PCDH9: variants seen among roughly 807,000 people sequenced by gnomAD.
PCDH9 encodes protocadherin-9.
A neutral mutation model predicts 70.6 loss-of-function variants in PCDH9; 24 were observed. The ratio of observed to expected loss-of-function variants is 0.34; its 90% CI spans 0.25 to 0.48. The LOEUF is 0.48. Among genes scored for constraint, PCDH9 ranks in the 20% least tolerant of loss-of-function variants. The probability of loss-of-function intolerance (pLI) is 0.99; values close to 1 mark genes in which losing one functional copy is unlikely to be tolerated. For missense variants in PCDH9, 1,281 were observed against 1,503.6 expected, an observed-to-expected ratio of 0.85 and a Z score of 2.45; for synonymous variants, 562 against 558.5, an observed-to-expected ratio of 1.01 and a Z score of -0.09.
chr13:66,656,741 C>T (rs1217704043), intron 3 of PCDH9, among the ~76,000 whole-genome samples: 1 of 152,138 alleles, frequency 6.6e-6, no homozygotes, highest in African/African-American at 2.4e-5. Context: ...AGAGAATATT[C>T]TGACAAGTAG....
chr13:67,105,944 T>A (rs2086531872), intron 2 of PCDH9, among the ~76,000 whole-genome samples: 1 of 151,268 alleles, frequency 6.6e-6, no homozygotes, highest in South Asian at 2.1e-4. Context: ...ACTATATATC[T>A]ATATATTAGT....
At chr13:66,490,343 T>A (rs1959013703) in intron 4 of PCDH9, among the ~76,000 whole-genome samples, 1 of 152,206 alleles carries the variant, frequency 6.6e-6, no homozygotes, top group Admixed American at 6.5e-5. Flanking sequence ...GTAGATTTCC[T>A]AAGACCTGAA....
chr13:66,348,129 T>C (rs1956238790), intron 4 of PCDH9, among the ~76,000 whole-genome samples: 1 of 152,144 alleles, frequency 6.6e-6, no homozygotes, highest in South Asian at 2.1e-4. Flanking sequence ...TCTTTTTCCT[T>C]TTTCCATCTC....
chr13:66,993,852 G>C (rs2084052220), intron 2 of PCDH9, among the ~76,000 whole-genome samples: 1 of 152,118 alleles, frequency 6.6e-6, no homozygotes, highest in Admixed American at 6.5e-5. Context: ...GAGGGAAATT[G>C]GATTTGCTGA....
chr13:67,157,344 A>T (rs567625359), intron 2 of PCDH9, among the ~76,000 whole-genome samples: 2 of 152,326 alleles, frequency 1.3e-5, no homozygotes, highest in African/African-American at 4.8e-5. Flanking sequence ...GGATTTTCTT[A>T]TATTCATTTG....
At chr13:66,379,480 G>A (rs1287975226) in intron 4 of PCDH9, among the ~76,000 whole-genome samples, 1 of 152,092 alleles carries the variant, frequency 6.6e-6, no homozygotes, top group Non-Finnish European at 1.5e-5. Flanking sequence ...TTCTTGAGTG[G>A]CAAGGAAAAA....
At chr13:66,912,694 A>T (rs1481025144) in intron 2 of PCDH9, among the ~76,000 whole-genome samples, 1 of 152,048 alleles carries the variant, frequency 6.6e-6, no homozygotes, top group East Asian at 1.9e-4. Context: ...ATTATACATT[A>T]TATTAATACA....
chr13:66,755,730 A>C (rs373875069), intron 3 of PCDH9, among the ~76,000 whole-genome samples: 40 of 152,284 alleles, frequency 2.6e-4, no homozygotes, highest in Non-Finnish European at 5.0e-4. Context: ...CCATCAATGG[A>C]GGACATAAAT....
intron 2 of PCDH9, among the ~76,000 whole-genome samples, chr13:67,141,358 C>T (rs2087382014): frequency 6.6e-6 from 1 of 152,058 alleles, no homozygotes; most frequent in Admixed American, 6.6e-5. Context: ...GAGGCTGAAG[C>T]AGGAGGATCA....
At chr13:66,971,949 A>G (rs2083530447) in intron 2 of PCDH9, among the ~76,000 whole-genome samples, 2 of 151,922 alleles carry the variant, frequency 1.3e-5, no homozygotes, top group South Asian at 2.1e-4. Flanking sequence ...ATCTTAATAT[A>G]TTAGATAATA....
At chr13:66,504,630 C>G (rs1254839930) in intron 4 of PCDH9, among the ~76,000 whole-genome samples, 1 of 152,164 alleles carries the variant, frequency 6.6e-6, no homozygotes, top group Non-Finnish European at 1.5e-5. Context: ...CTTGTATGAG[C>G]ATGGAGACTA....
Position 66,663,720 on chromosome 13 carries a change from T to C in PCDH9, c.3139-32309A>G, listed in dbSNP as rs2078053059. ...TTTATAAAAATCGAAATATCCTAAG[T>C]CTCTTTCAAATATAAGATTCACTCA... On this transcript the variant is annotated intron_variant, in intron 3 of 4. Transcript: ENST00000377865. Among the ~76,000 whole-genome samples the C allele has an allele frequency of 2.0e-5, 3 of 152,168 alleles. No individual in the cohort carries two copies. In the South Asian group the frequency reaches 6.2e-4, roughly 31 times the overall value.
At chr13:66,856,971 A>T (rs1366287769) in intron 3 of PCDH9, among the ~76,000 whole-genome samples, 2 of 152,118 alleles carry the variant, frequency 1.3e-5, no homozygotes, top group East Asian at 3.8e-4. Flanking sequence ...TTTCTCTTCA[A>T]AAACCACATA....
intron 3 of PCDH9, among the ~76,000 whole-genome samples, chr13:66,756,674 C>G (rs1260341128): frequency 1.3e-5 from 2 of 152,054 alleles, no homozygotes; most frequent in African/African-American, 2.4e-5. Context: ...ATGCTTGTGT[C>G]ATTGACAAGG....
At chr13:67,027,257 G>A (rs1050123275) in intron 2 of PCDH9, among the ~76,000 whole-genome samples, 10 of 152,018 alleles carry the variant, frequency 6.6e-5, no homozygotes, top group African/African-American at 1.5e-4. Context: ...CAGAAATAAC[G>A]CCGCATATCC....
At chr13:66,828,276 G>A (rs914573864) in intron 3 of PCDH9, among the ~76,000 whole-genome samples, 3 of 152,120 alleles carry the variant, frequency 2.0e-5, no homozygotes, top group Non-Finnish European at 2.9e-5. Context: ...CTATGTGATA[G>A]GTAATTTTAA....
chr13:66,630,615 A>G (rs1192117103), intron 4 of PCDH9: 1 of 152,192 alleles, frequency 6.6e-6, no homozygotes, highest in African/African-American at 2.4e-5. Flanking sequence ...AAAAAAACAA[A>G]TTATCCAAGA....
chr13:67,077,430 AC>A (rs964162458), intron 2 of PCDH9, among the ~76,000 whole-genome samples: 1 of 152,100 alleles, frequency 6.6e-6, no homozygotes, highest in Non-Finnish European at 1.5e-5. Context: ...ATTTAAAAAA[AC>A]AATCACTCTT....
intron 3 of PCDH9, among the ~76,000 whole-genome samples, chr13:66,687,501 G>A (rs1469866999): frequency 6.6e-6 from 1 of 151,986 alleles, no homozygotes; most frequent in East Asian, 1.9e-4. Flanking sequence ...CTCACTCTAT[G>A]TAGATCTCTT....
Sources: allele counts gnomAD v4.1 joint callset (sites outside exome capture counted in the v4.1 genomes callset), GRCh38; gene constraint gnomAD v4.1.1; transcripts MANE v1.5; gene names NCBI Gene and HGNC (gene_info 2026-07-23, HGNC 2026-07-21).